The following RBM39 variants were observed in gnomAD, a reference collection of about 807,000 sequenced individuals.
RBM39 encodes RNA binding motif protein 39, also known as RNA-binding protein 39.
RBM39 carries 12 observed loss-of-function variants against 79.6 expected under a neutral mutation model. That is an observed-to-expected ratio of 0.15 (90% CI 0.10 to 0.24). RBM39 has a LOEUF of 0.24. Among genes scored for constraint, RBM39 ranks in the 10% least tolerant of loss-of-function variants. The pLI is 1.00. For missense variants in RBM39, 243 were observed against 653.4 expected (o/e 0.37, Z 6.85); for synonymous variants, 185 against 208.4 (o/e 0.89, Z 0.97).
chr20:35,705,612 T>G (rs2035625526), intron 14 of RBM39, among the ~76,000 whole-genome samples: 1 of 145,542 alleles, frequency 6.9e-6, no homozygotes, highest in Non-Finnish European at 1.5e-5. Context: ...AGCCTGGCCA[T>G]GATGGAGAAA....
chr20:35,713,358 T>C, intron 11 of RBM39: 2 of 303,180 alleles, frequency 6.6e-6, no homozygotes, highest in South Asian at 8.2e-5. Context: ...TTGCACAGGC[T>C]CTTGTTGCAC....
At chr20:35,729,238 A>G in intron 6 of RBM39, 74 bp downstream of exon 6, 1 of 1,310,442 alleles carries the variant, frequency 7.6e-7, no homozygotes, top group Non-Finnish European at 1.0e-6. Context: ...AAATTACTAA[A>G]TATCATCAAA....
rs759258190 is a variant in RBM39 at position 35,738,990 on chromosome 20, C to T, written c.79G>A (p.Gly27Ser). ...KDENKLSSAN[G>S]HEERSKKRKK... ...CACTTTTTGCTACGTTCTTCATGGC[C>T]GTTGGCACTGCTCAACTTGTTCTCA... The change falls in exon 3 of 17, where the codon GGC (glycine) becomes AGC (serine). Residue 27 changes from glycine to serine, a missense_variant. Physicochemically the swap from Gly to Ser is moderately conservative, Grantham distance 56. Around this residue, in one of 4 missense-constraint regions of RBM39, gnomAD observed 115 missense variants for 184.1 expected, o/e 0.62. Transcript: ENST00000253363. 3.7e-6 allele frequency: 6 copies of T among 1,613,514 alleles called. No individual in the cohort carries two copies. The highest frequency in any genetic ancestry group is 2.2e-5 in the East Asian group (1 of 44,880).
chr20:35,734,295 GTA>G, intron 3 of RBM39: 1 of 1,148,452 alleles, frequency 8.7e-7, no homozygotes, highest in Non-Finnish European at 1.2e-6. Flanking sequence ...TGTCAGAAAT[GTA>G]TATGCTAGGT....
In RBM39 at chr20:35,740,863, A is replaced by G. The variant is rs747177697; in HGVS notation, c.12T>C (p.Asp4=). Residue 4 remains aspartate, a synonymous_variant, in exon 2 of 17, where the codon GAT becomes GAC. Coordinates refer to ENST00000253363, the MANE Select transcript of RBM39 (RefSeq NM_184234.3). ...CCTCAAGCATTGCTTCAATATCAATATCGTCTGCCATTTTCTCTAAACGCC... is the reference window on the plus strand; with the variant it reads ...CCTCAAGCATTGCTTCAATATCAATGTCGTCTGCCATTTTCTCTAAACGCC... MAD[D]IDIEAMLEAP... 1 of 1,611,992 alleles carries G rather than the reference A, an allele frequency of 6.2e-7. No individual in the cohort carries two copies. Among genetic ancestry groups the G allele is most frequent in the South Asian group, 1.1e-5 (1 of 90,584 alleles).
At chr20:35,732,865 T>C (rs528900156) in intron 3 of RBM39, 1 of 152,348 alleles carries the variant, frequency 6.6e-6, no homozygotes, top group South Asian at 2.1e-4. Context: ...GGTTCATTTA[T>C]AAAAATTTTC....
Position 35,729,536 on chromosome 20 carries a change from GA to G in RBM39, c.297-10del. 1 of 1,613,386 alleles carries G rather than the reference GA, an allele frequency of 6.2e-7. No individual in the cohort carries two copies. The highest frequency in any genetic ancestry group is 8.5e-7 in the Non-Finnish European group (1 of 1,179,640). ...TAAATTTTGGTCCGGAGCTAAAAAGGAAACACAAAATTACACTAGTTACAGG... is the reference window on the plus strand; with the variant it reads ...TAAATTTTGGTCCGGAGCTAAAAAGGAACACAAAATTACACTAGTTACAGG... On this transcript the variant is annotated splice_polypyrimidine_tract_variant and intron_variant, in intron 4 of 16. Coordinates refer to ENST00000253363, the MANE Select transcript of RBM39 (RefSeq NM_184234.3).
intron 3 of RBM39, among the ~76,000 whole-genome samples, chr20:35,737,879 C>T (rs1193030043): frequency 1.6e-4 from 22 of 137,434 alleles, no homozygotes; most frequent in African/African-American, 5.5e-4. Context: ...AAAGGCCAGG[C>T]GCGGTGGCTC....
At chr20:35,712,647 C>T (rs1289050052) in intron 12 of RBM39, among the ~76,000 whole-genome samples, 3 of 151,868 alleles carry the variant, frequency 2.0e-5, no homozygotes, top group East Asian at 1.9e-4. Context: ...CTTACTACTA[C>T]AATAGTTTTA....
At chr20:35,719,921 T>C in intron 9 of RBM39, 1 of 202,324 alleles carries the variant, frequency 4.9e-6, no homozygotes, top group Non-Finnish European at 1.1e-5. Flanking sequence ...TAGCTGGGAT[T>C]AGAGGGATGC....
chr20:35,719,428 G>A (rs1025800981), intron 9 of RBM39, among the ~76,000 whole-genome samples: 4 of 152,262 alleles, frequency 2.6e-5, no homozygotes, highest in African/African-American at 2.4e-5. Context: ...GGGTCTGGGC[G>A]CAGTGGCTCA....
chr20:35,719,115 T>C (rs994035031), intron 9 of RBM39, among the ~76,000 whole-genome samples: 1 of 152,190 alleles, frequency 6.6e-6, no homozygotes, highest in African/African-American at 2.4e-5. Context: ...CAACTCCAGC[T>C]TGACTTGTTT....
chr20:35,716,044 ATTATT>A (rs1366150981), intron 10 of RBM39, among the ~76,000 whole-genome samples: 2 of 152,166 alleles, frequency 1.3e-5, no homozygotes, highest in African/African-American at 4.8e-5. Flanking sequence ...ATTTTCTTAA[ATTATT>A]TTATATTTAT....
In RBM39 at chr20:35,716,720, T is replaced by A. The variant is rs376677783; in HGVS notation, c.891+20A>T. ...AAAAAAAAAAAAACCCTAAGTAATATAATTATGGTAATTACTTACTGTAAT... is the reference window on the plus strand; with the variant it reads ...AAAAAAAAAAAAACCCTAAGTAATAAAATTATGGTAATTACTTACTGTAAT... On this transcript the variant is annotated intron_variant, in intron 10 of 16. Transcript: ENST00000253363. The A allele has an allele frequency of 2.7e-5, 38 of 1,421,640 alleles. No individual in the cohort carries two copies. The highest frequency in any genetic ancestry group is 1.9e-4 in the Middle Eastern group (1 of 5,312). The allele number at this position is 1,421,640 out of a possible 1,614,324, so 88.1% of individuals were successfully genotyped here.
Position 35,702,430 on chromosome 20 carries a change from ACT to A in RBM39, c.*2049_*2050del, listed in dbSNP as rs2035327431. 6.6e-6 allele frequency: 1 copy of A among 152,126 alleles called. No homozygotes were observed. The highest frequency in any genetic ancestry group is 2.4e-5 in the African/African-American group (1 of 41,412). The allele number at this position is 152,126 out of a possible 1,614,324, so 9.4% of individuals were successfully genotyped here. A position where few individuals can be genotyped will look rare whatever the true frequency, so the allele number is the denominator to read the frequency against. On this transcript the variant is annotated 3_prime_UTR_variant, in exon 17 of 17. Coordinates refer to ENST00000253363, the MANE Select transcript of RBM39 (RefSeq NM_184234.3). ...GAACATTATTTACACACCAAATTTC[ACT>A]CTGGTAGCAACTAAATTTTGGCACA...
At chr20:35,733,911 CCT>C (rs1482748325) in intron 3 of RBM39, among the ~76,000 whole-genome samples, 4 of 152,164 alleles carry the variant, frequency 2.6e-5, no homozygotes, top group Admixed American at 6.5e-5. Context: ...ATAATCTATA[CCT>C]CTGTGTCATC....
At chr20:35,737,524 C>T (rs1454088767) in intron 3 of RBM39, among the ~76,000 whole-genome samples, 6 of 150,924 alleles carry the variant, frequency 4.0e-5, no homozygotes, top group African/African-American at 1.5e-4. Context: ...CGTGTCATGG[C>T]GCTCCAGCCT....
chr20:35,732,614 A>T, intron 3 of RBM39: 1 of 156,840 alleles, frequency 6.4e-6, no homozygotes, highest in South Asian at 1.8e-4. Flanking sequence ...ACATTACTGA[A>T]AATCAGCAGA....
At chr20:35,724,786 A>G in intron 7 of RBM39, 64 bp from the exon 8 acceptor site, 6 of 1,553,016 alleles carry the variant, frequency 3.9e-6, no homozygotes, top group Admixed American at 1.8e-5. Flanking sequence ...TTATTTCAAG[A>G]GACACTGTTG....
Sources: allele counts gnomAD v4.1 joint callset (sites outside exome capture counted in the v4.1 genomes callset), GRCh38; gene constraint gnomAD v4.1.1; regional missense constraint gnomAD v4.1.1; transcripts MANE v1.5; gene names NCBI Gene and HGNC (gene_info 2026-07-23, HGNC 2026-07-21).